MTAP: variants seen among roughly 807,000 people sequenced by gnomAD.
MTAP encodes the protein methylthioadenosine phosphorylase.
A neutral mutation model predicts 33.6 loss-of-function variants in MTAP; 33 were observed. The ratio of observed to expected loss-of-function variants is 0.98; its 90% CI spans 0.74 to 1.31. The LOEUF (loss-of-function observed/expected upper bound fraction) is 1.31. MTAP is among the 40% of genes most tolerant of loss of function. The pLI, the probability that MTAP is intolerant of heterozygous loss-of-function variation, is 0.00. For missense variants in MTAP, 367 were observed against 360.0 expected (o/e 1.02, Z -0.16); for synonymous variants, 148 against 125.7 (o/e 1.18, Z -1.19).
intron 1 of MTAP, among the ~76,000 whole-genome samples, chr9:21,807,094 G>A (rs1824226365): frequency 6.6e-6 from 1 of 152,208 alleles, no homozygotes; most frequent in Admixed American, 6.5e-5. Flanking sequence ...AGCCCAGGAG[G>A]CAGAGGTTGC....
chr9:21,940,778 T>C (rs531679467), downstream of MTAP, among the ~76,000 whole-genome samples: 143 of 152,312 alleles, frequency 9.4e-4, no homozygotes, highest in African/African-American at 3.3e-3. Flanking sequence ...TAGCACCTCA[T>C]TGTGTTCACC....
chr9:21,901,216 C>G (rs971701146), intron 1 of MTAP, among the ~76,000 whole-genome samples: 1 of 152,224 alleles, frequency 6.6e-6, no homozygotes, highest in Admixed American at 6.5e-5. Context: ...AAAGAAGATA[C>G]TAAAGACAAC....
At chr9:21,835,586 C>G (rs867180780) in intron 4 of MTAP, among the ~76,000 whole-genome samples, 1 of 152,062 alleles carries the variant, frequency 6.6e-6, no homozygotes, top group Non-Finnish European at 1.5e-5. Context: ...GGGGTGTGAT[C>G]GGCAGGCTTA....
intron 4 of MTAP, among the ~76,000 whole-genome samples, chr9:21,826,687 C>A (rs375191614): frequency 4.6e-5 from 7 of 150,802 alleles, no homozygotes; most frequent in Admixed American, 2.6e-4. Context: ...CCTTTACCCC[C>A]CCAAAAAAAC....
chr9:21,928,777 T>C (rs1818908382), intron 1 of MTAP, among the ~76,000 whole-genome samples: 1 of 152,056 alleles, frequency 6.6e-6, no homozygotes, highest in Non-Finnish European at 1.5e-5. Context: ...GGTGGACCTC[T>C]TACCTTTAAC....
At chr9:21,911,807 C>CA (rs1818581721) in intron 1 of MTAP, among the ~76,000 whole-genome samples, 1 of 151,640 alleles carries the variant, frequency 6.6e-6, no homozygotes, top group African/African-American at 2.4e-5. Context: ...GATAGAGACA[C>CA]AAAAAACCCA....
At chr9:21,900,779 A>T (rs183408627) in intron 1 of MTAP, among the ~76,000 whole-genome samples, 1 of 152,244 alleles carries the variant, frequency 6.6e-6, no homozygotes, top group Non-Finnish European at 1.5e-5. Context: ...ATGCCCATCA[A>T]CAGTGGACTG....
chr9:21,829,679 T>A (rs1168740275), intron 4 of MTAP, among the ~76,000 whole-genome samples: 1 of 151,736 alleles, frequency 6.6e-6, no homozygotes, highest in African/African-American at 2.4e-5. Context: ...GCTAGCGAGA[T>A]TGTTTAATAA....
At chr9:21,906,097 A>T (rs1799197956) in intron 1 of MTAP, among the ~76,000 whole-genome samples, 1 of 152,024 alleles carries the variant, frequency 6.6e-6, no homozygotes, top group African/African-American at 2.4e-5. Flanking sequence ...TAAAACCCAG[A>T]CTACACAAGA....
At chr9:21,842,952 T>C (rs1466420588) in intron 5 of MTAP, among the ~76,000 whole-genome samples, 1 of 152,156 alleles carries the variant, frequency 6.6e-6, no homozygotes, top group African/African-American at 2.4e-5. Flanking sequence ...ATGCCCCACT[T>C]AAGAAAAGAT....
chr9:21,916,114 AGGAAGGAGGGAG>A (rs2131025051), intron 1 of MTAP, among the ~76,000 whole-genome samples: 1 of 149,622 alleles, frequency 6.7e-6, no homozygotes, highest in East Asian at 2.0e-4. Flanking sequence ...GAAGGAAGGA[AGGAAGGAGGGAG>A]GGAAGGAAGG....
At chr9:21,855,268 G>T (rs1032653094) in intron 6 of MTAP, among the ~76,000 whole-genome samples, 1 of 152,100 alleles carries the variant, frequency 6.6e-6, no homozygotes, top group East Asian at 1.9e-4. Flanking sequence ...TCTATTTAAC[G>T]TACCGTGGCT....
chr9:21,933,702 T>A (rs997792257), downstream of MTAP: 1 of 152,234 alleles, frequency 6.6e-6, no homozygotes, highest in Non-Finnish European at 1.5e-5. Context: ...AAATTCTTTA[T>A]GAACTGTTTT....
downstream of MTAP, chr9:21,932,870 A>G (rs1304668158): frequency 2.0e-5 from 3 of 152,160 alleles, no homozygotes; most frequent in Non-Finnish European, 2.9e-5. Flanking sequence ...AGTCCTTACA[A>G]TATCCTTCTT....
intron 1 of MTAP, among the ~76,000 whole-genome samples, chr9:21,813,060 G>A (rs1052424944): frequency 6.6e-6 from 1 of 152,214 alleles, no homozygotes; most frequent in Non-Finnish European, 1.5e-5. Flanking sequence ...AACTAAGGCA[G>A]TACTGAGTTG....
intron 2 of MTAP, among the ~76,000 whole-genome samples, chr9:21,815,891 A>T (rs1236996753): frequency 6.6e-6 from 1 of 152,220 alleles, no homozygotes; most frequent in Non-Finnish European, 1.5e-5. Context: ...GGACAGGCTG[A>T]TGACTAATAG....
downstream of MTAP, among the ~76,000 whole-genome samples, chr9:21,868,096 G>T (rs1825882445): frequency 6.6e-6 from 1 of 152,082 alleles, no homozygotes; most frequent in Non-Finnish European, 1.5e-5. Flanking sequence ...ACTTATTGAT[G>T]GCTTCTGAGG....
At chr9:21,839,719 C>G (rs1048153028) in intron 5 of MTAP, among the ~76,000 whole-genome samples, 1 of 152,168 alleles carries the variant, frequency 6.6e-6, no homozygotes, top group African/African-American at 2.4e-5. Flanking sequence ...CTTTTAACAT[C>G]CACATGATCT....
At chr9:21,875,840 G>A (rs1361648122) in intron 1 of MTAP, among the ~76,000 whole-genome samples, 1 of 151,694 alleles carries the variant, frequency 6.6e-6, no homozygotes, top group East Asian at 1.9e-4. Flanking sequence ...TGTGAGTAGT[G>A]CTGTATGTGT....
Sources: allele counts gnomAD v4.1 joint callset (sites outside exome capture counted in the v4.1 genomes callset), GRCh38; gene constraint gnomAD v4.1.1; transcripts MANE v1.5; gene names NCBI Gene and HGNC (gene_info 2026-07-23, HGNC 2026-07-21).